Variants in ELAVL4 observed in about 807,000 individuals in gnomAD.
The protein encoded by ELAVL4 is ELAV-like protein 4.
ELAVL4 carries 1 observed loss-of-function variant against 35.6 expected under a neutral mutation model. The ratio of observed to expected loss-of-function variants is 0.03; its 90% CI spans 0.01 to 0.13. ELAVL4 has a LOEUF of 0.13. Among genes scored for constraint, ELAVL4 ranks in the 10% least tolerant of loss-of-function variants. The probability of loss-of-function intolerance (pLI) is 1.00; values close to 1 mark genes in which losing one functional copy is unlikely to be tolerated. For synonymous variants in ELAVL4, 156 were observed against 171.0 expected, an observed-to-expected ratio of 0.91 and a Z score of 0.69; for missense variants, 267 against 464.9, an observed-to-expected ratio of 0.57 and a Z score of 3.91.
At chr1:50,048,319 G>T (rs1383602654) in intron 1 of ELAVL4, 3 of 1,190,602 alleles carry the variant, frequency 2.5e-6, no homozygotes, top group Middle Eastern at 2.3e-4. Flanking sequence ...GAGGGGGAGA[G>T]GGCCCTTGCA....
upstream of ELAVL4, chr1:50,106,165 T>C (rs150104266): frequency 1.5e-5 from 8 of 537,242 alleles, no homozygotes; most frequent in African/African-American, 1.3e-4. Flanking sequence ...TCCTAGCCCA[T>C]TGTGCCACGT....
chr1:50,154,775 T>TGC (rs1675419197), intron 2 of ELAVL4, among the ~76,000 whole-genome samples: 1 of 151,936 alleles, frequency 6.6e-6, no homozygotes, highest in Non-Finnish European at 1.5e-5. Flanking sequence ...TGTGTGTGTG[T>TGC]GTGTGTGTGT....
chr1:50,071,649 T>C (rs1013290531), intron 1 of ELAVL4, among the ~76,000 whole-genome samples: 2 of 152,096 alleles, frequency 1.3e-5, no homozygotes, highest in African/African-American at 4.8e-5. Flanking sequence ...TGAATATGAG[T>C]AAATCAAGAG....
chr1:50,195,574 G>A lies in ELAVL4; in HGVS notation c.522G>A (p.Gly174=). The A allele has an allele frequency of 6.2e-7, 1 of 1,614,136 alleles. No individual in the cohort carries two copies. Residue 174 remains glycine (G), a synonymous_variant, in exon 5 of 7, where the codon GGG becomes GGA. Coordinates refer to ENST00000371824, the MANE Select transcript of ELAVL4 (RefSeq NM_001144774.3). ...CTCTTTCCCCAGGAGTGTCCAGAGG[G>A]GTGGGATTCATCCGCTTTGATAAGA... ...LVDQVTGVSR[G]VGFIRFDKRI... is the part of the protein sequence containing the mutation.
rs201654470 is a variant in ELAVL4, at chr1:50,195,542, G to C, written c.509-19G>C. 7 of 1,612,752 alleles carry C rather than the reference G, an allele frequency of 4.3e-6. No individual in the cohort carries two copies. Among genetic ancestry groups the C allele is most frequent in the South Asian group, 1.1e-5 (1 of 91,060 alleles). ...TTTGGTGTGTTCACTCTTTACAAAG[G>C]CTCTTTCTCTTTCCCCAGGAGTGTC... is the stretch of plus-strand genomic sequence containing the variant. On this transcript the variant is annotated intron_variant, in intron 4 of 6. Transcript: ENST00000371824.
intron 1 of ELAVL4, among the ~76,000 whole-genome samples, chr1:50,127,958 T>G (rs1001202295): frequency 6.6e-6 from 1 of 152,154 alleles, no homozygotes; most frequent in Non-Finnish European, 1.5e-5. Context: ...CGTGCCCAGA[T>G]CTAATAGTTG....
At chr1:50,191,124 G>A (rs921275883) in intron 3 of ELAVL4, among the ~76,000 whole-genome samples, 4 of 152,084 alleles carry the variant, frequency 2.6e-5, no homozygotes, top group Non-Finnish European at 5.9e-5. Flanking sequence ...ACATTTTATT[G>A]AGTGCCTCTT....
At chr1:50,171,240 AAGG>A (rs1452969610) in intron 2 of ELAVL4, among the ~76,000 whole-genome samples, 1 of 152,126 alleles carries the variant, frequency 6.6e-6, no homozygotes, top group African/African-American at 2.4e-5. Context: ...GTGTGTTAAG[AAGG>A]AGAAGAGACC....
intron 2 of ELAVL4, among the ~76,000 whole-genome samples, chr1:50,148,929 T>C (rs1434019963): frequency 6.6e-6 from 1 of 152,202 alleles, no homozygotes; most frequent in Admixed American, 6.5e-5. Context: ...ATCAGTATTT[T>C]AGGGGAGAAA....
chr1:50,183,966 C>G (rs1681442020), intron 3 of ELAVL4, among the ~76,000 whole-genome samples: 1 of 152,134 alleles, frequency 6.6e-6, no homozygotes, highest in Non-Finnish European at 1.5e-5. Flanking sequence ...GAGAATGCTT[C>G]TCTGCCAAGG....
chr1:50,066,780 T>G (rs954124549), intron 1 of ELAVL4, among the ~76,000 whole-genome samples: 1 of 152,152 alleles, frequency 6.6e-6, no homozygotes, highest in Admixed American at 6.5e-5. Context: ...CACAAAAGCA[T>G]TTTTTACTCA....
chr1:50,087,527 C>T (rs1015332362), intron 1 of ELAVL4, among the ~76,000 whole-genome samples: 2 of 152,110 alleles, frequency 1.3e-5, no homozygotes, highest in South Asian at 4.2e-4. Context: ...TTCACCTTAG[C>T]GATGTGACCT....
At chr1:50,098,613 A>C (rs1279245053) in intron 1 of ELAVL4, among the ~76,000 whole-genome samples, 1 of 152,218 alleles carries the variant, frequency 6.6e-6, no homozygotes, top group East Asian at 1.9e-4. Context: ...AGGTATTTTG[A>C]ACTTCAAGCT....
chr1:50,110,992 C>T (rs1666974310), intron 1 of ELAVL4, among the ~76,000 whole-genome samples: 1 of 151,878 alleles, frequency 6.6e-6, no homozygotes, highest in African/African-American at 2.4e-5. Flanking sequence ...GGGACAGGAC[C>T]TCGATTATCT....
At chr1:50,164,359 C>A (rs909246322) in intron 2 of ELAVL4, among the ~76,000 whole-genome samples, 3 of 152,234 alleles carry the variant, frequency 2.0e-5, no homozygotes, top group Admixed American at 6.5e-5. Flanking sequence ...GCAGCCCACC[C>A]CTTAAAAAAG....
chr1:50,135,681 T>C (rs1671766491), intron 1 of ELAVL4, among the ~76,000 whole-genome samples: 1 of 152,158 alleles, frequency 6.6e-6, no homozygotes, highest in Non-Finnish European at 1.5e-5. Flanking sequence ...CCAGAGTAAA[T>C]AGGTCTTTCA....
At chr1:50,116,911 T>C (rs965403302) in intron 1 of ELAVL4, among the ~76,000 whole-genome samples, 2 of 152,130 alleles carry the variant, frequency 1.3e-5, no homozygotes, top group Non-Finnish European at 2.9e-5. Flanking sequence ...TGGGTACAGA[T>C]AGTACAGTTC....
intron 3 of ELAVL4, among the ~76,000 whole-genome samples, chr1:50,190,904 A>G (rs1366423333): frequency 6.6e-6 from 1 of 152,156 alleles, no homozygotes; most frequent in Non-Finnish European, 1.5e-5. Context: ...GAAGGCTATT[A>G]TCAGGCCACC....
chr1:50,081,832 C>A (rs959552794), intron 1 of ELAVL4, among the ~76,000 whole-genome samples: 1 of 151,972 alleles, frequency 6.6e-6, no homozygotes, highest in Non-Finnish European at 1.5e-5. Context: ...TCCCCTAGTA[C>A]CCCCACCCCC....
Sources: gnomAD v4.1 joint callset for allele counts (sites outside exome capture counted in the v4.1 genomes callset) on GRCh38, gnomAD v4.1.1 for gene constraint, MANE v1.5 for transcripts, NCBI Gene and HGNC (gene_info 2026-07-23, HGNC 2026-07-21) for gene names.